Variants in RIMS1 observed in about 807,000 individuals in gnomAD.
RIMS1 encodes the protein regulating synaptic membrane exocytosis 1.
In RIMS1, 83 loss-of-function variants were observed where a neutral mutation model predicts 214.1. The ratio of observed to expected loss-of-function variants is 0.39; its 90% confidence interval spans 0.32 to 0.47. The LOEUF is 0.47. RIMS1 is among the 20% of genes least tolerant of loss of function. The probability of loss-of-function intolerance (pLI) is 0.99; values close to 1 mark genes in which losing one functional copy is unlikely to be tolerated. For synonymous variants in RIMS1, 793 were observed against 786.8 expected, an observed-to-expected ratio of 1.01 and a Z score of -0.13; for missense variants, 2,050 against 2,161.8, an observed-to-expected ratio of 0.95 and a Z score of 1.03.
At chr6:71,922,943 G>A (rs2150779115) in intron 1 of RIMS1, among the ~76,000 whole-genome samples, 1 of 152,206 alleles carries the variant, frequency 6.6e-6, no homozygotes, top group African/African-American at 2.4e-5. Context: ...TGCCTAAGGT[G>A]TACATGCTCC....
At chr6:72,118,289 T>C (rs1487053911) in intron 4 of RIMS1, among the ~76,000 whole-genome samples, 5 of 151,172 alleles carry the variant, frequency 3.3e-5, no homozygotes, top group Non-Finnish European at 7.4e-5. Context: ...GGAGGTTTTT[T>C]CCACTGATTC....
intron 1 of RIMS1, among the ~76,000 whole-genome samples, chr6:71,915,294 CT>C (rs966557578): frequency 3.9e-5 from 6 of 152,084 alleles, no homozygotes; most frequent in African/African-American, 1.4e-4. Context: ...ATACTTTTCA[CT>C]TTTATCTCCA....
At chr6:72,216,996 C>T (rs951693260) in intron 6 of RIMS1, 148 of 1,401,614 alleles carry the variant, frequency 1.1e-4, no homozygotes, top group Middle Eastern at 7.3e-4. Flanking sequence ...TGTTTAGTGT[C>T]ACTGTTGTAT....
intron 6 of RIMS1, among the ~76,000 whole-genome samples, chr6:72,206,697 AAGTCACAGGTAT>A (rs2052981659): frequency 6.6e-6 from 1 of 152,152 alleles, no homozygotes; most frequent in Non-Finnish European, 1.5e-5. Context: ...CCTTGATCCC[AAGTCACAGGTAT>A]AGCACATTGC....
chr6:72,070,288 T>C (rs1042159582), intron 2 of RIMS1, among the ~76,000 whole-genome samples: 2 of 152,174 alleles, frequency 1.3e-5, no homozygotes, highest in African/African-American at 4.8e-5. Flanking sequence ...TTATTCATAT[T>C]TCATATTTCC....
intron 28 of RIMS1, among the ~76,000 whole-genome samples, chr6:72,328,855 A>C (rs1247369079): frequency 6.6e-6 from 1 of 151,752 alleles, no homozygotes; most frequent in African/African-American, 2.4e-5. Flanking sequence ...GTCATCTGCC[A>C]CCCAGCTTTC....
chr6:71,935,623 G>A (rs539705946), intron 1 of RIMS1, among the ~76,000 whole-genome samples: 51 of 152,140 alleles, frequency 3.4e-4, no homozygotes, highest in African/African-American at 1.2e-3. Flanking sequence ...TTTGCTGTTG[G>A]CCTCTCTTCC....
intron 4 of RIMS1, among the ~76,000 whole-genome samples, chr6:72,132,952 G>T (rs989011408): frequency 2.6e-5 from 4 of 151,472 alleles, no homozygotes; most frequent in African/African-American, 9.7e-5. Context: ...ATATCCATAT[G>T]TTTTTTATTA....
At chr6:72,390,889 A>AT in intron 30 of RIMS1, 153 bp downstream of exon 30, 2 of 770,050 alleles carry the variant, frequency 2.6e-6, no homozygotes, top group South Asian at 4.2e-5. Context: ...CTTATAAGTA[A>AT]GTACACATGG....
chr6:72,116,337 C>T (rs1333198066), intron 4 of RIMS1, among the ~76,000 whole-genome samples: 3 of 151,894 alleles, frequency 2.0e-5, no homozygotes, highest in East Asian at 3.9e-4. Context: ...GTTGTCACAT[C>T]AGAAACTAAT....
intron 4 of RIMS1, among the ~76,000 whole-genome samples, chr6:72,132,255 T>C (rs1224417932): frequency 6.6e-6 from 1 of 152,090 alleles, no homozygotes; most frequent in Non-Finnish European, 1.5e-5. Context: ...ACAATTTAAG[T>C]TTAGAGATTG....
chr6:72,051,938 T>C (rs1213611294), intron 2 of RIMS1, among the ~76,000 whole-genome samples: 1 of 152,106 alleles, frequency 6.6e-6, no homozygotes, highest in Admixed American at 6.6e-5. Flanking sequence ...TTTTAAAAAA[T>C]GATGCTCACA....
chr6:72,363,421 T>C (rs1160435189), intron 29 of RIMS1, among the ~76,000 whole-genome samples: 1 of 152,144 alleles, frequency 6.6e-6, no homozygotes, highest in African/African-American at 2.4e-5. Context: ...TGAGCAAAGA[T>C]AGTGCATAAT....
intron 27 of RIMS1, among the ~76,000 whole-genome samples, chr6:72,311,020 T>C (rs1303107250): frequency 1.3e-5 from 2 of 152,242 alleles, no homozygotes; most frequent in African/African-American, 4.8e-5. Context: ...TTGGCTTATT[T>C]CCAACTAAAA....
At chr6:72,354,780 C>T (rs1237495648) in intron 29 of RIMS1, among the ~76,000 whole-genome samples, 1 of 152,196 alleles carries the variant, frequency 6.6e-6, no homozygotes, top group Non-Finnish European at 1.5e-5. Flanking sequence ...TGGCAAACCT[C>T]TTTAGTGCTT....
At chr6:72,190,455 C>G (rs2049881822) in intron 6 of RIMS1, among the ~76,000 whole-genome samples, 1 of 103,274 alleles carries the variant, frequency 9.7e-6, no homozygotes, top group Non-Finnish European at 1.9e-5. Context: ...AAGAGTAAAA[C>G]TCTGTCTCAA....
At chr6:72,118,872 G>A (rs1203279653) in intron 4 of RIMS1, among the ~76,000 whole-genome samples, 1 of 151,658 alleles carries the variant, frequency 6.6e-6, no homozygotes, top group Non-Finnish European at 1.5e-5. Context: ...ACATTATACT[G>A]AGTGGGGAAA....
At chr6:72,301,884 A>C (rs1410612901) in intron 26 of RIMS1, among the ~76,000 whole-genome samples, 2 of 151,678 alleles carry the variant, frequency 1.3e-5, no homozygotes, top group African/African-American at 4.8e-5. Context: ...ATAGTGGTGT[A>C]AAATACAACT....
intron 4 of RIMS1, among the ~76,000 whole-genome samples, chr6:72,141,672 A>G (rs2042094868): frequency 6.6e-6 from 1 of 152,022 alleles, no homozygotes; most frequent in African/African-American, 2.4e-5. Flanking sequence ...CAATTTAAAT[A>G]ACCCGTGATA....
Sources: gnomAD v4.1 joint callset for allele counts (sites outside exome capture counted in the v4.1 genomes callset) on GRCh38, gnomAD v4.1.1 for gene constraint, MANE v1.5 for transcripts, NCBI Gene and HGNC (gene_info 2026-07-23, HGNC 2026-07-21) for gene names.